Variants in ADGRG6 observed in about 807,000 individuals in gnomAD.
ADGRG6 encodes the protein adhesion G protein-coupled receptor G6.
ADGRG6 carries 84 observed loss-of-function variants against 142.4 expected under a neutral mutation model. That is an observed-to-expected ratio of 0.59 (90% CI 0.49 to 0.71). The LOEUF (loss-of-function observed/expected upper bound fraction) is 0.71. ADGRG6 is among the 30% of genes least tolerant of loss of function. The probability of loss-of-function intolerance (pLI) is 0.00; values close to 1 mark genes in which losing one functional copy is unlikely to be tolerated. For missense variants in ADGRG6, 1,367 were observed against 1,466.6 expected, an observed-to-expected ratio of 0.93 and a Z score of 1.11; for synonymous variants, 521 against 520.5, an observed-to-expected ratio of 1.00 and a Z score of -0.01.
chr6:142,306,438 G>C (rs1288908387), intron 1 of ADGRG6, among the ~76,000 whole-genome samples: 1 of 152,058 alleles, frequency 6.6e-6, no homozygotes, highest in Non-Finnish European at 1.5e-5. Context: ...GTCTCAAAAA[G>C]GACGCTAGGT....
At position 142,422,385 on chromosome 6, in the gene ADGRG6, A is replaced by G. The variant is rs13437159; in HGVS notation, c.3319+2281A>G. Among the ~76,000 whole-genome samples the G allele has an allele frequency of 5.0e-3, 765 of 152,184 alleles. 9 individuals are homozygous for G. Among genetic ancestry groups the G allele is most frequent in the African/African-American group, 0.017 (717 of 41,522 alleles). On this transcript the variant is annotated intron_variant, in intron 22 of 24. Transcript: ENST00000367609. ...TGTGTCCATGTGATCTCATTGTTCAATTCCCACCTATGAGTGACAATATGT... is the reference window on the plus strand; with the variant it reads ...TGTGTCCATGTGATCTCATTGTTCAGTTCCCACCTATGAGTGACAATATGT...
At chr6:142,309,083 T>A (rs1291609864) in intron 1 of ADGRG6, among the ~76,000 whole-genome samples, 1 of 151,848 alleles carries the variant, frequency 6.6e-6, no homozygotes, top group African/African-American at 2.4e-5. Context: ...GGTTTTATGT[T>A]AAATATTTCC....
At chr6:142,440,753 T>G (rs1777719498) in intron 24 of ADGRG6, among the ~76,000 whole-genome samples, 1 of 152,212 alleles carries the variant, frequency 6.6e-6, no homozygotes, top group South Asian at 2.1e-4. Flanking sequence ...GTCAACTGAC[T>G]TCACATAGGC....
In ADGRG6 at chr6:142,409,916, A is replaced by C; in HGVS notation, c.2431A>C (p.Asn811His). 1.4e-6 allele frequency: 2 copies of C among 1,437,554 alleles called. No homozygotes were observed. The highest frequency in any genetic ancestry group is 2.5e-5 in the South Asian group (2 of 80,334). The allele number at this position is 1,437,554 out of a possible 1,614,324, so 89.0% of individuals were successfully genotyped here. A position where few individuals can be genotyped will look rare whatever the true frequency, so the allele number is the denominator to read the frequency against. ...CTGTGCCTTCTGGGATCTGAACAAA[A>C]ACAGTAAGTTTTAAAATATTGGTTG... is the stretch of plus-strand genomic sequence containing the variant. ...PICAFWDLNK[N>H]KSFGGWNTSG... The change falls in exon 17 of 25, where the codon AAC becomes CAC. Residue 811 changes from asparagine (N) to histidine (H), a missense_variant. This residue lies in a region of ADGRG6 where 286 missense variants were observed against 371.4 expected (regional missense o/e 0.77). Transcript: ENST00000367609.
chr6:142,426,408 C>T (rs764785336), intron 22 of ADGRG6, among the ~76,000 whole-genome samples: 5 of 152,194 alleles, frequency 3.3e-5, no homozygotes, highest in Non-Finnish European at 5.9e-5. Context: ...TCCTTCGACT[C>T]CATATCTCAC....
rs370177362 is a variant in ADGRG6 at position 142,370,695 on chromosome 6, A to G, written c.971A>G (p.Asn324Ser). 2.5e-6 allele frequency: 4 copies of G among 1,613,506 alleles called. No individual in the cohort carries two copies. In the African/African-American group the frequency reaches 4.0e-5, roughly 16 times the overall value. Reference protein sequence around the residue: ...NFTMNAKILSNLSCNVKGNVV... With the variant: ...NFTMNAKILSSLSCNVKGNVV... ...ACCATGAATGCCAAAATCCTCTCCA[A>G]CCTCAGCTGTAATGTGAAAGGGAAT... The change falls in exon 4 of 25, where the codon AAC becomes AGC. Residue 324 changes from asparagine to serine, a missense_variant. Around this residue, in one of 3 missense-constraint regions of ADGRG6, gnomAD observed 737 missense variants for 746.5 expected, o/e 0.99. Transcript: ENST00000367609.
At chr6:142,413,909 A>ACACG (rs1181281363) in intron 18 of ADGRG6, among the ~76,000 whole-genome samples, 3 of 134,818 alleles carry the variant, frequency 2.2e-5, no homozygotes, top group Non-Finnish European at 4.6e-5. Context: ...TCACACACAC[A>ACACG]CACACACACA....
chr6:142,367,837 G>T lies in ADGRG6; in HGVS notation c.372G>T (p.Ala124=). The change falls in exon 3 of 25, where the codon GCG becomes GCT. Residue 124 remains alanine (A), a synonymous_variant. Coordinates refer to ENST00000367609, the MANE Select transcript of ADGRG6 (RefSeq NM_198569.3). ...AAGGCCTATCATTTAACTCAAGTGCGAATGAGATGCATGTGTCCTTTTCAA... is the reference window on the plus strand; with the variant it reads ...AAGGCCTATCATTTAACTCAAGTGCTAATGAGATGCATGTGTCCTTTTCAA... ...TAKGLSFNSS[A]NEMHVSFSSD... is the part of the protein sequence containing the mutation. 6.2e-7 allele frequency: 1 copy of T among 1,613,654 alleles called. No individual in the cohort carries two copies. Among genetic ancestry groups the T allele is most frequent in the South Asian group, 1.1e-5 (1 of 91,072 alleles).
chr6:142,306,905 A>G (rs751534320), intron 1 of ADGRG6, among the ~76,000 whole-genome samples: 10 of 152,002 alleles, frequency 6.6e-5, no homozygotes, highest in Non-Finnish European at 1.0e-4. Context: ...GGCCTGTCCT[A>G]TGGTTTGTTT....
chr6:142,317,165 C>A (rs1255407980), intron 2 of ADGRG6, among the ~76,000 whole-genome samples: 2 of 152,064 alleles, frequency 1.3e-5, no homozygotes, highest in Non-Finnish European at 2.9e-5. Flanking sequence ...CTTTACTTGG[C>A]GTTTGGTTAG....
chr6:142,350,838 G>A (rs1035862817), intron 2 of ADGRG6, among the ~76,000 whole-genome samples: 4 of 151,994 alleles, frequency 2.6e-5, no homozygotes, highest in African/African-American at 7.3e-5. Flanking sequence ...AAGCTGTTCC[G>A]ATCAAACTAC....
chr6:142,440,325 C>G (rs1777692470), intron 24 of ADGRG6, among the ~76,000 whole-genome samples: 1 of 152,078 alleles, frequency 6.6e-6, no homozygotes, highest in African/African-American at 2.4e-5. Flanking sequence ...GGGTCTCGCT[C>G]TGTTTACCAG....
chr6:142,342,660 T>C (rs1186410506), intron 2 of ADGRG6, among the ~76,000 whole-genome samples: 1 of 152,040 alleles, frequency 6.6e-6, no homozygotes, highest in Non-Finnish European at 1.5e-5. Flanking sequence ...TCTTGTGAGC[T>C]TTTTAAAACT....
chr6:142,435,678 T>C lies in ADGRG6; in HGVS notation c.3320-1756T>C, dbSNP rs943181866. 3.3e-5 allele frequency among the ~76,000 whole-genome samples: 5 copies of C among 152,062 alleles called. No homozygotes were observed. The East Asian group carries it at 7.7e-4, about 23-fold the overall frequency. ...GCCAGCACAGCATTGAATACACAAA[T>C]ATCCCTGTTCTCTTGGAGCTTATTA... On this transcript the variant is annotated intron_variant, in intron 22 of 24. Coordinates refer to ENST00000367609, the MANE Select transcript of ADGRG6 (RefSeq NM_198569.3).
intron 2 of ADGRG6, among the ~76,000 whole-genome samples, chr6:142,321,981 A>G (rs367613259): frequency 3.9e-5 from 6 of 152,162 alleles, no homozygotes; most frequent in African/African-American, 1.4e-4. Flanking sequence ...CTAAAACACA[A>G]CTTCTTTATT....
intron 2 of ADGRG6, among the ~76,000 whole-genome samples, chr6:142,315,331 C>T (rs1777987873): frequency 1.3e-5 from 2 of 150,938 alleles, no homozygotes; most frequent in Admixed American, 6.6e-5. Flanking sequence ...ATTGTTTGTA[C>T]TTGCAATATC....
At chr6:142,383,650 G>A in intron 5 of ADGRG6, 110 bp from the exon 6 acceptor site, 1 of 639,796 alleles carries the variant, frequency 1.6e-6, no homozygotes, top group East Asian at 2.6e-5. Flanking sequence ...ATTTCAAAGT[G>A]GTTTCCATTC....
rs535886929 is a variant in ADGRG6, at chr6:142,308,546, TA to T, written c.3-995del. Among the ~76,000 whole-genome samples, 3 of 152,064 alleles carry T rather than the reference TA, an allele frequency of 2.0e-5. 1 individual carries two copies. The South Asian group carries it at 6.2e-4, about 32-fold the overall frequency. On this transcript the variant is annotated intron_variant, in intron 1 of 24. Coordinates refer to ENST00000367609, the MANE Select transcript of ADGRG6 (RefSeq NM_198569.3). ...TTTAGGGTAGATATTACTGTAACCC[TA>T]AACTATCTTATTAGTTACTCCTTGC... is the stretch of plus-strand genomic sequence containing the variant.
In ADGRG6 at chr6:142,370,557, A is replaced by T; in HGVS notation, c.833A>T (p.Asp278Val). ...AGAAACTATGAAACAGTTCCATGTG[A>T]TTCTACCATTAGTAAAGTTATTCCT... ...FKRNYETVPC[D>V]STISKVIPGN... The change falls in exon 4 of 25, where the codon GAT (aspartate) becomes GTT (valine). Residue 278 changes from aspartate (D) to valine (V), a missense_variant. Physicochemically the swap from Asp to Val is radical, Grantham distance 152. Around this residue, in one of 3 missense-constraint regions of ADGRG6, gnomAD observed 737 missense variants for 746.5 expected, o/e 0.99. Coordinates refer to ENST00000367609, the MANE Select transcript of ADGRG6 (RefSeq NM_198569.3). 1 of 1,613,038 alleles carries T rather than the reference A, an allele frequency of 6.2e-7. No individual in the cohort carries two copies. Among genetic ancestry groups the T allele is most frequent in the Non-Finnish European group, 8.5e-7 (1 of 1,179,164 alleles).
Sources: allele counts gnomAD v4.1 joint callset (sites outside exome capture counted in the v4.1 genomes callset), GRCh38; gene constraint gnomAD v4.1.1; regional missense constraint gnomAD v4.1.1; transcripts MANE v1.5; gene names NCBI Gene and HGNC (gene_info 2026-07-23, HGNC 2026-07-21).